NSD3: variants seen among roughly 807,000 people sequenced by gnomAD.
NSD3 encodes the protein histone-lysine N-methyltransferase NSD3.
Under a neutral mutation model 160.8 loss-of-function variants are expected in NSD3, and 24 were observed. The observed-to-expected ratio is 0.15, with a 90% CI of 0.11 to 0.21. The LOEUF is 0.21. Among genes scored for constraint, NSD3 ranks in the 10% least tolerant of loss-of-function variants. The pLI is 1.00. For synonymous variants in NSD3, 520 were observed against 600.0 expected (o/e 0.87, Z 1.95); for missense variants, 1,157 against 1,735.9 (o/e 0.67, Z 5.93).
At chr8:38,341,040 G>A (rs1386435288) in intron 2 of NSD3, among the ~76,000 whole-genome samples, 1 of 152,112 alleles carries the variant, frequency 6.6e-6, no homozygotes, top group Non-Finnish European at 1.5e-5. Context: ...CTGAGGGGCT[G>A]AGGCAGGAGA....
At chr8:38,297,150 T>G (rs188860064) in intron 15 of NSD3, among the ~76,000 whole-genome samples, 1 of 152,288 alleles carries the variant, frequency 6.6e-6, no homozygotes, top group Admixed American at 6.5e-5. Flanking sequence ...AGCATAAAAT[T>G]AAGTAGTTAT....
At chr8:38,351,104 T>G (rs933989082) in intron 1 of NSD3, among the ~76,000 whole-genome samples, 7 of 151,364 alleles carry the variant, frequency 4.6e-5, no homozygotes, top group African/African-American at 1.7e-4. Context: ...CCCGAATAGC[T>G]GGGACTACAG....
At chr8:38,377,082 T>C (rs1164801722) in intron 1 of NSD3, among the ~76,000 whole-genome samples, 1 of 152,218 alleles carries the variant, frequency 6.6e-6, no homozygotes, top group Non-Finnish European at 1.5e-5. Context: ...AGACGGAGTC[T>C]CGCTTTGCCT....
At chr8:38,310,524 TGA>T (rs749798103) in intron 12 of NSD3, among the ~76,000 whole-genome samples, 20 of 152,224 alleles carry the variant, frequency 1.3e-4, no homozygotes, top group Non-Finnish European at 2.4e-4. Context: ...CTTTTTTTTT[TGA>T]GAGAGAGTCT....
At chr8:38,356,293 A>G (rs1460271177) in intron 1 of NSD3, among the ~76,000 whole-genome samples, 2 of 152,240 alleles carry the variant, frequency 1.3e-5, no homozygotes, top group Admixed American at 6.5e-5. Flanking sequence ...AAAATTATCA[A>G]TCAAAGCTTT....
chr8:38,320,584 A>G (rs1809773294), intron 8 of NSD3: 1 of 152,140 alleles, frequency 6.6e-6, no homozygotes, highest in Non-Finnish European at 1.5e-5. Context: ...GGAAAATAAC[A>G]TTCCAAAAAA....
intron 1 of NSD3, among the ~76,000 whole-genome samples, chr8:38,371,726 C>A (rs1811247339): frequency 6.6e-6 from 1 of 152,062 alleles, no homozygotes; most frequent in South Asian, 2.1e-4. Context: ...CAAAAGGAGA[C>A]CACTTAGAGT....
intron 19 of NSD3, among the ~76,000 whole-genome samples, chr8:38,286,292 A>C (rs1010479044): frequency 6.6e-6 from 1 of 152,104 alleles, no homozygotes; most frequent in Admixed American, 6.5e-5. Context: ...CTGGCCAACC[A>C]CATAACAAAC....
chr8:38,345,649 G>A (rs947489383), intron 2 of NSD3, among the ~76,000 whole-genome samples: 1 of 151,946 alleles, frequency 6.6e-6, no homozygotes, highest in Non-Finnish European at 1.5e-5. Flanking sequence ...AGTGGCTCAC[G>A]CCTGTAATCC....
intron 12 of NSD3, among the ~76,000 whole-genome samples, chr8:38,310,984 T>G (rs1809520582): frequency 6.6e-6 from 1 of 152,022 alleles, no homozygotes; most frequent in Non-Finnish European, 1.5e-5. Flanking sequence ...GCCAACATGT[T>G]GTTTTCTTTT....
rs774588087 is a variant in NSD3 at position 38,315,993 on chromosome 8, G to A, written c.1905C>T (p.Arg635=). Residue 635 remains arginine, a synonymous_variant, in exon 10 of 24, where the codon CGC becomes CGT. Coordinates refer to ENST00000317025, the MANE Select transcript of NSD3 (RefSeq NM_023034.2). ...DSCKPLKKRS[R]ASTDVEMTSS... ...TAGTCATTTCTACATCAGTTGAGGCGCGACTCCTTTTCTTTAGAGGTTTAC... is the reference window on the plus strand; with the variant it reads ...TAGTCATTTCTACATCAGTTGAGGCACGACTCCTTTTCTTTAGAGGTTTAC... 36 of 1,613,234 alleles carry A rather than the reference G, an allele frequency of 2.2e-5. 1 individual carries two copies. Among genetic ancestry groups the A allele is most frequent in the South Asian group, 9.9e-5 (9 of 91,042 alleles).
At chr8:38,348,876 C>T (rs987060512) in intron 1 of NSD3, among the ~76,000 whole-genome samples, 1 of 152,104 alleles carries the variant, frequency 6.6e-6, no homozygotes, top group African/African-American at 2.4e-5. Flanking sequence ...CCAAGCTGGT[C>T]TTGAACTCTT....
rs751966915 is a variant in NSD3 at position 38,329,590 on chromosome 8, T to C, written c.1369A>G (p.Ser457Gly). 1.2e-6 allele frequency: 2 copies of C among 1,614,242 alleles called. No individual in the cohort carries two copies. The highest frequency in any genetic ancestry group is 1.7e-5 in the Admixed American group (1 of 60,026). The change falls in exon 6 of 24, where the codon AGT becomes GGT. Residue 457 changes from serine to glycine, a missense_variant. By Grantham distance (56) the Ser-to-Gly change is moderately conservative (BLOSUM62 0). Transcript: ENST00000317025. This position sits in a 1 kb window ranked among gnomAD's most constrained non-coding sequence, Gnocchi z 4.8. Reference sequence around the variant, plus strand: ...GGCGGTGGCTCTTCCTCTTCCGCACTTGTGTGCCGCCTCTGGCTATGTCTC... The same window carrying C: ...GGCGGTGGCTCTTCCTCTTCCGCACCTGTGTGCCGCCTCTGGCTATGTCTC... ...IRRHSQRRHTSAEEEEPPPVK... is the reference protein window; with the variant it reads ...IRRHSQRRHTGAEEEEPPPVK...
chr8:38,367,640 A>G (rs985601300), intron 1 of NSD3, among the ~76,000 whole-genome samples: 7 of 152,064 alleles, frequency 4.6e-5, no homozygotes, highest in Non-Finnish European at 1.0e-4. Flanking sequence ...TGAACCCGGG[A>G]GGTGGAGGTT....
At chr8:38,291,369 A>C (rs2130994559) in intron 16 of NSD3, among the ~76,000 whole-genome samples, 1 of 152,320 alleles carries the variant, frequency 6.6e-6, no homozygotes, top group East Asian at 1.9e-4. Flanking sequence ...TTAAGAATTG[A>C]ATGATGAAGC....
At chr8:38,342,073 A>C (rs1024897445) in intron 2 of NSD3, among the ~76,000 whole-genome samples, 2 of 152,216 alleles carry the variant, frequency 1.3e-5, no homozygotes, top group African/African-American at 4.8e-5. Context: ...CATCAAAATC[A>C]CTTTCAAAGA....
intron 1 of NSD3, among the ~76,000 whole-genome samples, chr8:38,357,312 G>C (rs1004363294): frequency 1.3e-5 from 2 of 151,824 alleles, no homozygotes; most frequent in Non-Finnish European, 2.9e-5. Context: ...TCCTTCAATG[G>C]TTTCCCATTG....
At chr8:38,369,519 C>T (rs772121265) in intron 1 of NSD3, among the ~76,000 whole-genome samples, 6 of 152,192 alleles carry the variant, frequency 3.9e-5, no homozygotes, top group Non-Finnish European at 8.8e-5. Flanking sequence ...AGTTCTTCTT[C>T]CATTAAACAT....
chr8:38,288,772 G>A lies in NSD3; in HGVS notation c.3232-16C>T, dbSNP rs148908391. 6.0e-4 allele frequency: 966 copies of A among 1,607,842 alleles called. 10 individuals carry two copies. The Admixed American group carries it at 0.015, about 25-fold the overall frequency. ...CTTTGTTAGCCTAGAAAACAAAATC[G>A]CAAGCGAGAGAGAGGCAGCAGGTAA... On this transcript the variant is annotated splice_polypyrimidine_tract_variant and intron_variant, in intron 18 of 23. Transcript: ENST00000317025. The surrounding 1 kb of genome is among the most constrained non-coding windows in gnomAD (Gnocchi z 4.5).
Sources: gnomAD v4.1 joint callset for allele counts (sites outside exome capture counted in the v4.1 genomes callset) on GRCh38, gnomAD v4.1.1 for gene constraint, Gnocchi (gnomAD v3.1) non-coding constraint, MANE v1.5 for transcripts, NCBI Gene and HGNC (gene_info 2026-07-23, HGNC 2026-07-21) for gene names.